Variants in BMP2K observed in about 807,000 individuals in gnomAD.
BMP2K encodes the protein BMP-2-inducible protein kinase.
BMP2K carries 74 observed loss-of-function variants against 116.0 expected under a neutral mutation model. The ratio of observed to expected loss-of-function variants is 0.64; its 90% CI spans 0.53 to 0.77. The LOEUF is 0.77. BMP2K is among the 30% of genes least tolerant of loss of function. BMP2K has a pLI of 0.00. For synonymous variants in BMP2K, 486 were observed against 502.5 expected, an observed-to-expected ratio of 0.97 and a Z score of 0.44; for missense variants, 1,365 against 1,403.6, an observed-to-expected ratio of 0.97 and a Z score of 0.44.
chr4:78,806,216 G>T (rs1056351116), intron 1 of BMP2K, among the ~76,000 whole-genome samples: 2 of 151,946 alleles, frequency 1.3e-5, no homozygotes, highest in African/African-American at 4.8e-5. Context: ...TTTGGAGGCA[G>T]GATCTTACTG....
rs544793461 is a variant in BMP2K, at chr4:78,836,878, T to G, written c.403+3191T>G. On this transcript the variant is annotated intron_variant, in intron 3 of 15. Coordinates refer to ENST00000502613, the MANE Select transcript of BMP2K (RefSeq NM_198892.2). ...GATTGCTTAATTTTTCTATGTGACA[T>G]CTTTTCTCCATGGACACTTTTAGTT... Among the ~76,000 whole-genome samples, 11 of 152,310 alleles carry G rather than the reference T, an allele frequency of 7.2e-5. No homozygotes were observed. The South Asian group carries it at 2.1e-3, about 29-fold the overall frequency.
intron 1 of BMP2K, among the ~76,000 whole-genome samples, chr4:78,803,130 G>C (rs186765714): frequency 6.6e-6 from 1 of 152,102 alleles, no homozygotes; most frequent in South Asian, 2.1e-4. Context: ...GATTGCAGGC[G>C]TGAGCCACCA....
intron 1 of BMP2K, among the ~76,000 whole-genome samples, chr4:78,794,185 G>C (rs1560502210): frequency 6.6e-6 from 1 of 152,008 alleles, no homozygotes; most frequent in African/African-American, 2.4e-5. Context: ...TTGGATCTGG[G>C]GGGGAATCCC....
rs140839442 is a variant in BMP2K, at chr4:78,808,420, C to T, written c.179-17617C>T. Among the ~76,000 whole-genome samples the T allele has an allele frequency of 7.9e-3, 1,195 of 152,076 alleles. 10 individuals are homozygous for T. Among genetic ancestry groups the T allele is most frequent in the African/African-American group, 0.019 (804 of 41,470 alleles). On this transcript the variant is annotated intron_variant, in intron 1 of 15. Coordinates refer to ENST00000502613, the MANE Select transcript of BMP2K (RefSeq NM_198892.2). ...AGCTGGGACTACAGGCACCTGCCACCGCACCCGGCTAATTTTTTTTATTTT... is the reference window on the plus strand; with the variant it reads ...AGCTGGGACTACAGGCACCTGCCACTGCACCCGGCTAATTTTTTTTATTTT...
At chr4:78,901,023 T>C (rs1434808155) in intron 15 of BMP2K, among the ~76,000 whole-genome samples, 1 of 152,068 alleles carries the variant, frequency 6.6e-6, no homozygotes, top group African/African-American at 2.4e-5. Context: ...GATTAACCAT[T>C]TGATATTGAG....
rs142438810 is a variant in BMP2K at position 78,878,874 on chromosome 4, T to C, written c.1934T>C (p.Phe645Ser). The change falls in exon 14 of 16, where the codon TTT (phenylalanine) becomes TCT (serine). Residue 645 changes from phenylalanine to serine, a missense_variant. This residue lies in a region of BMP2K where 596 missense variants were observed against 623.2 expected (regional missense o/e 0.96). Coordinates refer to ENST00000502613, the MANE Select transcript of BMP2K (RefSeq NM_198892.2). ...LTEEELLDRE[F>S]DLLRSNRLEE... ...GAAGAGGAACTATTGGACAGAGAAT[T>C]TGACCTTCTAAGATCAAGTAAGGGA... The C allele has an allele frequency of 9.3e-6, 15 of 1,612,206 alleles. No homozygotes were observed. The highest frequency in any genetic ancestry group is 1.3e-5 in the Non-Finnish European group (15 of 1,179,408).
intron 1 of BMP2K, among the ~76,000 whole-genome samples, chr4:78,791,395 G>T (rs531737659): frequency 6.6e-6 from 1 of 152,098 alleles, no homozygotes; most frequent in African/African-American, 2.4e-5. Flanking sequence ...GTAGTGAAAA[G>T]CATTTCATTA....
intron 15 of BMP2K, among the ~76,000 whole-genome samples, chr4:78,893,707 C>A (rs1285167799): frequency 6.6e-6 from 1 of 152,154 alleles, no homozygotes; most frequent in Non-Finnish European, 1.5e-5. Context: ...GGACTATAGG[C>A]ATGCACTACA....
At chr4:78,889,220 C>CA (rs71661191) in intron 15 of BMP2K, among the ~76,000 whole-genome samples, 5,120 of 52,242 alleles carry the variant, frequency 0.098, 343 homozygotes, top group African/African-American at 0.15. Flanking sequence ...GACTCTGTCT[C>CA]AAAAAAAAAA....
Position 78,854,406 on chromosome 4 carries a change from TGGGACTACA to T in BMP2K, c.883+3353_883+3361del, listed in dbSNP as rs1443558167. Among the ~76,000 whole-genome samples, 13 of 152,154 alleles carry T rather than the reference TGGGACTACA, an allele frequency of 8.5e-5. No individual in the cohort carries two copies. The East Asian group carries it at 2.5e-3, about 29-fold the overall frequency. ...CTCCTGCCACAGCCTCCTGAGTAGC[TGGGACTACA>T]GGCCTATGCCACCATGCCTGGCTAA... On this transcript the variant is annotated intron_variant, in intron 7 of 15. Transcript: ENST00000502613.
At chr4:78,790,616 C>A (rs1727950840) in intron 1 of BMP2K, among the ~76,000 whole-genome samples, 1 of 151,994 alleles carries the variant, frequency 6.6e-6, no homozygotes, top group Non-Finnish European at 1.5e-5. Flanking sequence ...AAACTCAGTA[C>A]AAAAAAAGAT....
intron 14 of BMP2K, among the ~76,000 whole-genome samples, chr4:78,882,010 T>G (rs1299674082): frequency 6.6e-6 from 1 of 152,040 alleles, no homozygotes; most frequent in Non-Finnish European, 1.5e-5. Context: ...ACTGAAAGCC[T>G]TTATATGGTC....
intron 15 of BMP2K, among the ~76,000 whole-genome samples, chr4:78,903,002 G>A (rs1734089533): frequency 6.6e-6 from 1 of 151,722 alleles, no homozygotes; most frequent in African/African-American, 2.4e-5. Flanking sequence ...AAGAAATGTT[G>A]TTTTAGGCAT....
intron 7 of BMP2K, among the ~76,000 whole-genome samples, chr4:78,858,439 T>C (rs958704010): frequency 3.3e-5 from 5 of 151,964 alleles, no homozygotes; most frequent in African/African-American, 1.2e-4. Flanking sequence ...ATAAGTGATA[T>C]ATGTTAGCAT....
chr4:78,831,032 G>T (rs1247588691), intron 2 of BMP2K, among the ~76,000 whole-genome samples: 1 of 152,196 alleles, frequency 6.6e-6, no homozygotes, highest in Non-Finnish European at 1.5e-5. Context: ...CATTCCATGT[G>T]CCTTTCTCAT....
intron 15 of BMP2K, among the ~76,000 whole-genome samples, chr4:78,888,890 C>A (rs1253905752): frequency 6.6e-6 from 1 of 152,080 alleles, no homozygotes; most frequent in Non-Finnish European, 1.5e-5. Context: ...TATAAAAATT[C>A]ATATTCCTTA....
intron 1 of BMP2K, among the ~76,000 whole-genome samples, chr4:78,799,718 CAT>C (rs1728475758): frequency 6.6e-6 from 1 of 152,134 alleles, no homozygotes; most frequent in Admixed American, 6.6e-5. Flanking sequence ...CTTGCTTACT[CAT>C]GTGCTATGGT....
intron 8 of BMP2K, among the ~76,000 whole-genome samples, chr4:78,860,549 T>G (rs963128375): frequency 6.6e-6 from 1 of 151,832 alleles, no homozygotes; most frequent in African/African-American, 2.4e-5. Context: ...TTCAAAAGCT[T>G]TCAATTTTAT....
At chr4:78,776,810 A>T (rs1488692475) in intron 1 of BMP2K, 89 bp downstream of exon 1, 2 of 1,113,730 alleles carry the variant, frequency 1.8e-6, no homozygotes, top group African/African-American at 3.3e-5. Context: ...CTCCGGACTG[A>T]CTCTTATACC....
Sources: gnomAD v4.1 joint callset for allele counts (sites outside exome capture counted in the v4.1 genomes callset) on GRCh38, gnomAD v4.1.1 for gene constraint, gnomAD v4.1.1 regional missense constraint, MANE v1.5 for transcripts, NCBI Gene and HGNC (gene_info 2026-07-23, HGNC 2026-07-21) for gene names.